The following LRMDA variants were observed in gnomAD, a reference collection of about 807,000 sequenced individuals.
LRMDA encodes leucine rich melanocyte differentiation associated, also known as leucine-rich melanocyte differentiation-associated protein.
In LRMDA, 18 loss-of-function variants were observed where a neutral mutation model predicts 29.8. The ratio of observed to expected loss-of-function variants is 0.60; its 90% confidence interval spans 0.42 to 0.90. The LOEUF is 0.90. Among genes scored for constraint, LRMDA ranks in the 40% least tolerant of loss-of-function variants. The pLI, the probability that LRMDA is intolerant of heterozygous loss-of-function variation, is 0.00. For synonymous variants in LRMDA, 125 were observed against 109.4 expected (o/e 1.14, Z -0.89); for missense variants, 273 against 273.9 (o/e 1.00, Z 0.02).
In LRMDA at chr10:76,500,404, A is replaced by T. The variant is rs1405274239; in HGVS notation, c.602-56805A>T. ...CATGCATTAAGAACTCTTAAAAAAC[A>T]TAATAGTTTCATAATGGTCCATCTT... On this transcript the variant is annotated intron_variant, in intron 6 of 6. Transcript: ENST00000611255. Among the ~76,000 whole-genome samples, 2 of 75,970 alleles carry T rather than the reference A, an allele frequency of 2.6e-5. 1 individual carries two copies. Among genetic ancestry groups the T allele is most frequent in the Non-Finnish European group, 8.8e-5 (2 of 22,822 alleles). 49.8% of individuals were successfully genotyped at this position (75,970 alleles called of 152,430 possible).
chr10:75,763,000 G>A (rs887446699), intron 2 of LRMDA, among the ~76,000 whole-genome samples: 1 of 152,268 alleles, frequency 6.6e-6, no homozygotes, highest in Admixed American at 6.5e-5. Flanking sequence ...GGGGACTTGA[G>A]ACCTATTTTA....
intron 2 of LRMDA, among the ~76,000 whole-genome samples, chr10:75,503,552 T>C (rs1196491873): frequency 6.6e-6 from 1 of 151,924 alleles, no homozygotes; most frequent in Non-Finnish European, 1.5e-5. Flanking sequence ...AAAATATTAG[T>C]GTTATAAACC....
chr10:75,702,593 T>C (rs771505520), intron 2 of LRMDA, among the ~76,000 whole-genome samples: 2 of 152,068 alleles, frequency 1.3e-5, no homozygotes, highest in Non-Finnish European at 2.9e-5. Flanking sequence ...AGATCATACA[T>C]CAGTTGGCCT....
chr10:76,243,675 T>G (rs1484075086), intron 5 of LRMDA, among the ~76,000 whole-genome samples: 1 of 152,170 alleles, frequency 6.6e-6, no homozygotes, highest in Non-Finnish European at 1.5e-5. Context: ...TTGGAACCTT[T>G]AACTTGGCCA....
intron 5 of LRMDA, among the ~76,000 whole-genome samples, chr10:76,237,470 G>A (rs910754971): frequency 2.0e-5 from 3 of 152,166 alleles, no homozygotes; most frequent in African/African-American, 7.2e-5. Flanking sequence ...ATGTAGATTA[G>A]AGCTGATTAC....
chr10:75,963,350 A>G (rs529343220), intron 2 of LRMDA, among the ~76,000 whole-genome samples: 1 of 152,258 alleles, frequency 6.6e-6, no homozygotes, highest in African/African-American at 2.4e-5. Context: ...ACCTTGTTAT[A>G]GGACAAAGCT....
chr10:76,453,602 G>A lies in LRMDA; in HGVS notation c.602-103607G>A, dbSNP rs1002644575. 5.3e-5 allele frequency among the ~76,000 whole-genome samples: 8 copies of A among 152,254 alleles called. No homozygotes were observed. In the South Asian group the frequency reaches 1.2e-3, roughly 24 times the overall value. The stretch of plus-strand genomic sequence containing the variant: ...TGTTAATGAATAAATCATGCAGGAT[G>A]GATAAACCGGTAACCACAACAGCAT... On this transcript the variant is annotated intron_variant, in intron 6 of 6. Coordinates refer to ENST00000611255, the MANE Select transcript of LRMDA (RefSeq NM_001305581.2).
At chr10:76,477,070 T>G (rs996345728) in intron 6 of LRMDA, among the ~76,000 whole-genome samples, 2 of 151,786 alleles carry the variant, frequency 1.3e-5, no homozygotes, top group South Asian at 2.1e-4. Flanking sequence ...GCAGGATAAA[T>G]AAATAAAGGG....
At chr10:76,044,403 T>C (rs1180110458) in intron 3 of LRMDA, among the ~76,000 whole-genome samples, 7 of 151,352 alleles carry the variant, frequency 4.6e-5, no homozygotes, top group African/African-American at 1.7e-4. Context: ...TGTGCCCATA[T>C]CTAAGGGCAA....
At chr10:75,689,070 A>T (rs1482381156) in intron 2 of LRMDA, among the ~76,000 whole-genome samples, 1 of 152,066 alleles carries the variant, frequency 6.6e-6, no homozygotes, top group Non-Finnish European at 1.5e-5. Context: ...CTTTATCATG[A>T]TATTTGCTTT....
intron 6 of LRMDA, among the ~76,000 whole-genome samples, chr10:76,367,493 C>A (rs1841404688): frequency 6.6e-6 from 1 of 151,722 alleles, no homozygotes; most frequent in African/African-American, 2.4e-5. Context: ...GGCATGATCT[C>A]AGCTCACCGT....
At chr10:75,576,870 C>G (rs1157303094) in intron 2 of LRMDA, among the ~76,000 whole-genome samples, 3 of 152,052 alleles carry the variant, frequency 2.0e-5, no homozygotes, top group Non-Finnish European at 4.4e-5. Context: ...CACTCAAAGA[C>G]CCCAGCCGAA....
chr10:75,671,445 C>G (rs1417659678), intron 2 of LRMDA, among the ~76,000 whole-genome samples: 1 of 152,110 alleles, frequency 6.6e-6, no homozygotes, highest in Non-Finnish European at 1.5e-5. Flanking sequence ...AAGAAACACA[C>G]CTATGCAGCC....
intron 2 of LRMDA, among the ~76,000 whole-genome samples, chr10:75,448,784 A>G (rs1220114874): frequency 6.6e-6 from 1 of 152,212 alleles, no homozygotes; most frequent in Non-Finnish European, 1.5e-5. Flanking sequence ...AGACTTGCCA[A>G]TAATACCAAG....
chr10:76,044,374 A>G (rs142337517), intron 3 of LRMDA, among the ~76,000 whole-genome samples: 3,271 of 151,902 alleles, frequency 0.022, 199 homozygotes, highest in Admixed American at 0.13. Context: ...ACTTGAAAGC[A>G]CAGGGCACCT....
At chr10:76,066,910 C>G (rs1420854203) in intron 5 of LRMDA, among the ~76,000 whole-genome samples, 2 of 152,196 alleles carry the variant, frequency 1.3e-5, no homozygotes, top group Non-Finnish European at 1.5e-5. Flanking sequence ...GAGCTCTGTG[C>G]AGAGCAGGTG....
chr10:75,709,810 T>C (rs2132176369), intron 2 of LRMDA, among the ~76,000 whole-genome samples: 1 of 152,250 alleles, frequency 6.6e-6, no homozygotes, highest in Non-Finnish European at 1.5e-5. Context: ...GAACCCTGTC[T>C]CCTCCCTGAA....
At chr10:75,916,619 G>T (rs565822593) in intron 2 of LRMDA, among the ~76,000 whole-genome samples, 2 of 152,252 alleles carry the variant, frequency 1.3e-5, no homozygotes, top group Non-Finnish European at 2.9e-5. Context: ...TTTAAAATAA[G>T]TTTTTCATTA....
At chr10:76,274,740 A>G (rs1000037889) in intron 5 of LRMDA, among the ~76,000 whole-genome samples, 4 of 152,186 alleles carry the variant, frequency 2.6e-5, no homozygotes, top group Non-Finnish European at 4.4e-5. Flanking sequence ...AAAAGAGAGT[A>G]TATGTGTTTT....
Sources: gnomAD v4.1 joint callset for allele counts (sites outside exome capture counted in the v4.1 genomes callset) on GRCh38, gnomAD v4.1.1 for gene constraint, MANE v1.5 for transcripts, NCBI Gene and HGNC (gene_info 2026-07-23, HGNC 2026-07-21) for gene names.